TEN1: variants seen among roughly 807,000 people sequenced by gnomAD.
The protein encoded by TEN1 is CST complex subunit TEN1.
Under a neutral mutation model 9.3 loss-of-function variants are expected in TEN1, and 6 were observed. That is an observed-to-expected ratio of 0.65 (90% CI 0.35 to 1.27). The LOEUF (loss-of-function observed/expected upper bound fraction) is 1.27. Among genes scored for constraint, TEN1 ranks in the 50% most tolerant of loss-of-function variants. The probability of loss-of-function intolerance (pLI) is 0.03; values close to 1 mark genes in which losing one functional copy is unlikely to be tolerated. For missense variants in TEN1, 149 were observed against 158.2 expected (o/e 0.94, Z 0.31); for synonymous variants, 65 against 65.6 (o/e 0.99, Z 0.04).
intron 3 of TEN1, among the ~76,000 whole-genome samples, chr17:75,992,072 A>T: frequency 7.4e-6 from 1 of 135,508 alleles, no homozygotes; most frequent in African/African-American, 3.6e-5. Flanking sequence ...AAAAAAAGAC[A>T]GGTACAGTGA....
At chr17:75,998,137 C>CTGTAAT (rs1368419677) in intron 3 of TEN1, among the ~76,000 whole-genome samples, 3 of 151,246 alleles carry the variant, frequency 2.0e-5, no homozygotes, top group Non-Finnish European at 2.9e-5. Flanking sequence ...CAGATGTGAG[C>CTGTAAT]CACTGCGCCT....
In TEN1 at chr17:75,985,806, G is replaced by A. The variant is rs541796143; in HGVS notation, c.-6-381G>A. On this transcript the variant is annotated intron_variant, in intron 1 of 3. Transcript: ENST00000397640. ...CCCAAAGTGCTGGGATTATAGGCAT[G>A]AGCCACTGCACCCGGCCATGTTTTT... Among the ~76,000 whole-genome samples the A allele has an allele frequency of 9.9e-5, 15 of 152,026 alleles. No individual in the cohort carries two copies. The East Asian group carries it at 2.9e-3, about 29-fold the overall frequency.
At chr17:75,986,360 A>G in intron 2 of TEN1, 76 bp downstream of exon 2, 1 of 1,261,622 alleles carries the variant, frequency 7.9e-7, no homozygotes, top group Middle Eastern at 2.1e-4. Flanking sequence ...AAAAGACATA[A>G]TTAGAAAAGA....
intron 3 of TEN1, among the ~76,000 whole-genome samples, chr17:75,994,438 A>AAG (rs905393655): frequency 1.3e-5 from 2 of 151,288 alleles, no homozygotes; most frequent in African/African-American, 4.9e-5. Context: ...CCGTCTCAAA[A>AAG]AAAAAAAAGA....
chr17:75,985,895 TA>T (rs1373218813), intron 1 of TEN1, among the ~76,000 whole-genome samples: 5 of 151,414 alleles, frequency 3.3e-5, no homozygotes, highest in Admixed American at 2.0e-4. Context: ...TTTTTATATA[TA>T]TTTTTTATTA....
intron 1 of TEN1, among the ~76,000 whole-genome samples, chr17:75,981,052 A>AG (rs2066115527): frequency 6.6e-6 from 1 of 152,226 alleles, no homozygotes; most frequent in Admixed American, 6.5e-5. Context: ...AACAATGATA[A>AG]GGGGTGTACT....
At chr17:75,998,891 G>A (rs1412432203) in intron 3 of TEN1, among the ~76,000 whole-genome samples, 3 of 151,946 alleles carry the variant, frequency 2.0e-5, no homozygotes, top group East Asian at 1.9e-4. Context: ...GGGTTTTGCC[G>A]TGTTGGCCAA....
intron 2 of TEN1, among the ~76,000 whole-genome samples, chr17:75,988,133 G>A (rs1230590699): frequency 1.3e-5 from 2 of 148,260 alleles, no homozygotes; most frequent in African/African-American, 2.5e-5. Context: ...CCAGCTATTC[G>A]GGAGGCTGAG....
At chr17:75,984,338 A>G (rs528815807) in intron 1 of TEN1, among the ~76,000 whole-genome samples, 1 of 152,304 alleles carries the variant, frequency 6.6e-6, no homozygotes, top group African/African-American at 2.4e-5. Flanking sequence ...GTTCTGAAGA[A>G]ATAATGGTCG....
intron 1 of TEN1, among the ~76,000 whole-genome samples, chr17:75,981,911 C>T (rs892001604): frequency 3.0e-4 from 45 of 152,218 alleles, no homozygotes; most frequent in South Asian, 6.2e-4. Flanking sequence ...CCTGTAGTCC[C>T]GGCTACTCGG....
chr17:75,986,645 G>C (rs560444550), intron 2 of TEN1, among the ~76,000 whole-genome samples: 1 of 151,922 alleles, frequency 6.6e-6, no homozygotes, highest in Non-Finnish European at 1.5e-5. Context: ...AGGTTGTAGC[G>C]AGCCGAAATC....
At chr17:75,987,879 T>A (rs551524318) in intron 2 of TEN1, among the ~76,000 whole-genome samples, 8 of 125,446 alleles carry the variant, frequency 6.4e-5, no homozygotes, top group African/African-American at 2.5e-4. Flanking sequence ...ATTGCGCCAC[T>A]GCACTCCAGC....
In TEN1 at chr17:75,979,506, G is replaced by C. The variant is rs1051829066; in HGVS notation, c.-12G>C. 6.1e-6 allele frequency: 2 copies of C among 327,950 alleles called. No individual in the cohort carries two copies. The highest frequency in any genetic ancestry group is 2.4e-5 in the South Asian group (1 of 41,248). The allele number at this position is 327,950 out of a possible 1,614,324, so 20.3% of individuals were successfully genotyped here. ...GAAATCCGAGGACCGGCGACGCCTA[G>C]AACAGGTTGGCTGGGGCCTTGGGAA... is the stretch of plus-strand genomic sequence containing the variant. On this transcript the variant is annotated 5_prime_UTR_variant, in exon 1 of 4. Coordinates refer to ENST00000397640, the MANE Select transcript of TEN1 (RefSeq NM_001113324.3).
intron 3 of TEN1, among the ~76,000 whole-genome samples, chr17:75,994,462 T>C (rs2066206909): frequency 6.6e-6 from 1 of 150,598 alleles, no homozygotes. Context: ...AGAAAAAGTT[T>C]GTCTTGATTT....
rs1260054643 is a variant in TEN1 at position 75,979,244 on chromosome 17, T to C, written c.-274T>C. 2 of 902,794 alleles carry C rather than the reference T, an allele frequency of 2.2e-6. No individual in the cohort carries two copies. Among genetic ancestry groups the C allele is most frequent in the African/African-American group, 1.6e-5 (1 of 60,700 alleles). 55.9% of individuals were successfully genotyped at this position (902,794 alleles called of 1,614,324 possible). The stretch of plus-strand genomic sequence containing the variant: ...CGCCCCTTCTTTCTCCGTGGCCCTT[T>C]GGCGCGTGAGTGACAGCGGCCCAGA... On this transcript the variant is annotated 5_prime_UTR_variant, in exon 1 of 4. Transcript: ENST00000397640.
chr17:75,994,039 A>G (rs2066203622), intron 3 of TEN1, among the ~76,000 whole-genome samples: 1 of 152,156 alleles, frequency 6.6e-6, no homozygotes, highest in Non-Finnish European at 1.5e-5. Flanking sequence ...TTGAACCTGA[A>G]GCTAATCAGG....
chr17:75,981,598 T>G (rs1400372214), intron 1 of TEN1, among the ~76,000 whole-genome samples: 1 of 135,062 alleles, frequency 7.4e-6, no homozygotes, highest in Non-Finnish European at 1.6e-5. Context: ...AGCAAGTTGT[T>G]TTTTTTTTTT....
At chr17:75,997,917 C>T (rs1055842193) in intron 3 of TEN1, among the ~76,000 whole-genome samples, 2 of 151,628 alleles carry the variant, frequency 1.3e-5, no homozygotes, top group East Asian at 1.9e-4. Context: ...TGCAGTGGCA[C>T]GATCTCTGCT....
In TEN1 at chr17:76,000,042, C is replaced by T; in HGVS notation, c.251-99C>T. 2.0e-5 allele frequency: 30 copies of T among 1,481,754 alleles called. No homozygotes were observed. The highest frequency in any genetic ancestry group is 2.7e-5 in the Non-Finnish European group (30 of 1,108,514). The allele number at this position is 1,481,754 out of a possible 1,614,324, so 91.8% of individuals were successfully genotyped here. On this transcript the variant is annotated intron_variant, in intron 3 of 3. Transcript: ENST00000397640. The surrounding 1 kb of genome is among the most constrained non-coding windows in gnomAD (Gnocchi z 5.9). ...TGTCCACATCACTTGCTGCCAAAAC[C>T]CAGGACTGAGCTGTGGAGGGAACAG...
Sources: gnomAD v4.1 joint callset for allele counts (sites outside exome capture counted in the v4.1 genomes callset) on GRCh38, gnomAD v4.1.1 for gene constraint, Gnocchi (gnomAD v3.1) non-coding constraint, MANE v1.5 for transcripts, NCBI Gene and HGNC (gene_info 2026-07-23, HGNC 2026-07-21) for gene names.